LSAMP: variants seen among roughly 807,000 people sequenced by gnomAD.
LSAMP encodes limbic system-associated membrane protein.
In LSAMP, 7 loss-of-function variants were observed where a neutral mutation model predicts 38.6. The ratio of observed to expected loss-of-function variants is 0.18; its 90% confidence interval spans 0.10 to 0.34. LSAMP has a LOEUF of 0.34. Ranked by LOEUF, LSAMP falls within the 10% of genes least tolerant of loss-of-function variation. LSAMP has a pLI of 1.00. For missense variants in LSAMP, 313 were observed against 420.0 expected, an observed-to-expected ratio of 0.75 and a Z score of 2.23; for synonymous variants, 154 against 166.8, an observed-to-expected ratio of 0.92 and a Z score of 0.59.
At chr3:116,183,442 C>G (rs986271444) in intron 1 of LSAMP, among the ~76,000 whole-genome samples, 3 of 151,798 alleles carry the variant, frequency 2.0e-5, no homozygotes, top group Non-Finnish European at 4.4e-5. Flanking sequence ...TAAACACATA[C>G]ACAGGTATTA....
At chr3:116,345,479 T>C (rs1439549602) in intron 1 of LSAMP, among the ~76,000 whole-genome samples, 1 of 152,140 alleles carries the variant, frequency 6.6e-6, no homozygotes, top group Non-Finnish European at 1.5e-5. Flanking sequence ...AAGGAACAGA[T>C]AAATGACTAC....
At chr3:115,908,571 T>C (rs1937065827) in intron 3 of LSAMP, among the ~76,000 whole-genome samples, 1 of 152,152 alleles carries the variant, frequency 6.6e-6, no homozygotes, top group South Asian at 2.1e-4. Flanking sequence ...CTGACCTTTT[T>C]ACTCTGTGAT....
At chr3:116,041,952 T>G (rs577484203) in intron 2 of LSAMP, among the ~76,000 whole-genome samples, 9 of 152,186 alleles carry the variant, frequency 5.9e-5, no homozygotes, top group Non-Finnish European at 1.0e-4. Context: ...TAATTTATGC[T>G]TGAAGTAAAC....
chr3:116,273,202 C>T (rs1188120486), intron 1 of LSAMP, among the ~76,000 whole-genome samples: 2 of 152,084 alleles, frequency 1.3e-5, no homozygotes, highest in African/African-American at 4.8e-5. Flanking sequence ...ATCTCCACCT[C>T]ATCTTATCCT....
At chr3:116,003,544 A>C (rs9289036) in intron 3 of LSAMP, among the ~76,000 whole-genome samples, 150,981 of 152,268 alleles carry the variant, frequency 0.99, 74,866 homozygotes, top group Middle Eastern at 1. Context: ...AAAGATATAT[A>C]CAAGTCCTTA....
At chr3:116,443,499 C>T (rs1173592311) in intron 1 of LSAMP, among the ~76,000 whole-genome samples, 1 of 152,130 alleles carries the variant, frequency 6.6e-6, no homozygotes. Flanking sequence ...CGGCACACAA[C>T]ACACACTTTC....
chr3:116,150,878 T>C (rs1709594639), intron 1 of LSAMP, among the ~76,000 whole-genome samples: 2 of 143,024 alleles, frequency 1.4e-5, no homozygotes, highest in Non-Finnish European at 3.0e-5. Context: ...AAAATCTAAA[T>C]TGCTAAATAT....
chr3:116,305,366 C>T (rs2047467904), intron 1 of LSAMP, among the ~76,000 whole-genome samples: 1 of 151,906 alleles, frequency 6.6e-6, no homozygotes, highest in African/African-American at 2.4e-5. Context: ...TTATTCTATC[C>T]CAACTTAGTT....
intron 3 of LSAMP, among the ~76,000 whole-genome samples, chr3:115,858,097 T>G (rs887410595): frequency 2.0e-5 from 3 of 151,890 alleles, no homozygotes; most frequent in Non-Finnish European, 4.4e-5. Context: ...TCTCATTCCC[T>G]TTCTTTCTCT....
chr3:115,843,083 G>T (rs1935045197), intron 4 of LSAMP, among the ~76,000 whole-genome samples: 1 of 152,132 alleles, frequency 6.6e-6, no homozygotes, highest in South Asian at 2.1e-4. Flanking sequence ...ATTGTTGCAG[G>T]ATTCAGAAAC....
chr3:116,057,707 G>C (rs569249884), intron 2 of LSAMP, among the ~76,000 whole-genome samples: 2 of 152,216 alleles, frequency 1.3e-5, no homozygotes, highest in South Asian at 4.2e-4. Flanking sequence ...CACTTAGGTA[G>C]AGAGAAAAAC....
intron 2 of LSAMP, chr3:116,051,278 A>G (rs575026034): frequency 1.1e-4 from 16 of 152,324 alleles, no homozygotes; most frequent in African/African-American, 3.1e-4. Context: ...TAGGTTTAAA[A>G]TAGCTTTCCT....
At chr3:116,325,333 G>A (rs114655982) in intron 1 of LSAMP, among the ~76,000 whole-genome samples, 3 of 151,826 alleles carry the variant, frequency 2.0e-5, no homozygotes, top group East Asian at 1.9e-4. Flanking sequence ...ACAAGGAATC[G>A]CTACCTCTTT....
intron 1 of LSAMP, among the ~76,000 whole-genome samples, chr3:116,411,318 C>T (rs2048973720): frequency 6.6e-6 from 1 of 152,014 alleles, no homozygotes; most frequent in Non-Finnish European, 1.5e-5. Flanking sequence ...TGTAAAGACA[C>T]ATGCACACGT....
chr3:116,272,459 A>C (rs1189548827), intron 1 of LSAMP, among the ~76,000 whole-genome samples: 1 of 152,180 alleles, frequency 6.6e-6, no homozygotes, highest in Non-Finnish European at 1.5e-5. Context: ...TAATGGCTTG[A>C]GAAGTAGCAG....
rs370391742 is a variant in LSAMP at position 116,262,492 on chromosome 3, C to T, written c.156-175936G>A. 1.7e-3 allele frequency among the ~76,000 whole-genome samples: 263 copies of T among 152,264 alleles called. 1 individual carries two copies. The highest frequency in any genetic ancestry group is 3.3e-3 in the South Asian group (16 of 4,824). ...TCTTTTTCTGTTGATATTTTGTCCA[C>T]TTTTGACTGTATAAGATGCCCAAGC... On this transcript the variant is annotated intron_variant, in intron 1 of 6. Coordinates refer to ENST00000490035, the MANE Select transcript of LSAMP (RefSeq NM_002338.5).
intron 3 of LSAMP, among the ~76,000 whole-genome samples, chr3:116,006,037 A>G (rs1204710682): frequency 1.3e-5 from 2 of 152,228 alleles, no homozygotes. Flanking sequence ...AAGACAGATG[A>G]GCCAGAAGTC....
At chr3:116,337,707 G>T (rs2047939610) in intron 1 of LSAMP, among the ~76,000 whole-genome samples, 1 of 151,958 alleles carries the variant, frequency 6.6e-6, no homozygotes, top group African/African-American at 2.4e-5. Flanking sequence ...CAGAGAAAAG[G>T]TAGGTGCATG....
intron 4 of LSAMP, among the ~76,000 whole-genome samples, chr3:115,844,354 T>C (rs1339904627): frequency 1.3e-5 from 2 of 152,224 alleles, no homozygotes; most frequent in African/African-American, 2.4e-5. Context: ...TGATTTTGAC[T>C]CTACTTCTAA....
Sources: gnomAD v4.1 joint callset for allele counts (sites outside exome capture counted in the v4.1 genomes callset) on GRCh38, gnomAD v4.1.1 for gene constraint, MANE v1.5 for transcripts, NCBI Gene and HGNC (gene_info 2026-07-23, HGNC 2026-07-21) for gene names.